The following VEPH1 variants were observed in gnomAD, a reference collection of about 807,000 sequenced individuals.
The protein encoded by VEPH1 is ventricular zone-expressed PH domain-containing protein homolog 1.
In VEPH1, 80 loss-of-function variants were observed where a neutral mutation model predicts 85.2. The ratio of observed to expected loss-of-function variants is 0.94; its 90% CI spans 0.78 to 1.13. The LOEUF is 1.13. Among genes scored for constraint, VEPH1 ranks in the 50% most tolerant of loss-of-function variants. The pLI, the probability that VEPH1 is intolerant of heterozygous loss-of-function variation, is 0.00. For missense variants in VEPH1, 955 were observed against 980.5 expected (o/e 0.97, Z 0.35); for synonymous variants, 297 against 348.0 (o/e 0.85, Z 1.63).
chr3:157,391,957 C>A (rs1046439540), intron 6 of VEPH1, among the ~76,000 whole-genome samples: 1 of 151,874 alleles, frequency 6.6e-6, no homozygotes, highest in Non-Finnish European at 1.5e-5. Context: ...AAATTTCAAC[C>A]AAGAATTTCA....
Position 157,282,998 on chromosome 3 carries a change from T to C in VEPH1, c.2128+3559A>G, listed in dbSNP as rs1716336998. 3.3e-5 allele frequency among the ~76,000 whole-genome samples: 5 copies of C among 152,362 alleles called. No homozygotes were observed. The South Asian group carries it at 1.0e-3, about 32-fold the overall frequency. On this transcript the variant is annotated intron_variant, in intron 12 of 13. Coordinates refer to ENST00000362010, the MANE Select transcript of VEPH1 (RefSeq NM_001167912.2). ...GAAAATGAATCAGCAGTTGGAAGAA[T>C]AGGAAATAGATTCTACTGTAATCAT...
intron 5 of VEPH1, chr3:157,415,001 T>G (rs1421082551): frequency 6.6e-6 from 1 of 152,238 alleles, no homozygotes. Flanking sequence ...AAAGTTGAAC[T>G]CATAATCCAC....
At chr3:157,433,315 AG>A (rs1470793156) in intron 4 of VEPH1, among the ~76,000 whole-genome samples, 2 of 152,156 alleles carry the variant, frequency 1.3e-5, no homozygotes, top group Non-Finnish European at 1.5e-5. Flanking sequence ...GCTTTTCAAA[AG>A]TATGTTTCCA....
chr3:157,281,584 C>T (rs1716132581), intron 12 of VEPH1, among the ~76,000 whole-genome samples: 1 of 151,990 alleles, frequency 6.6e-6, no homozygotes, highest in South Asian at 2.1e-4. Context: ...TGCCACCCGG[C>T]TGGAGTGCAG....
intron 6 of VEPH1, among the ~76,000 whole-genome samples, chr3:157,403,149 A>G (rs143291566): frequency 2.1e-3 from 318 of 152,302 alleles, no homozygotes; most frequent in African/African-American, 7.3e-3. Flanking sequence ...TGAGAGTACA[A>G]TTGTTACACG....
Position 157,414,084 on chromosome 3 carries a change from G to A in VEPH1, c.703C>T (p.Gln235Ter), listed in dbSNP as rs758480216. The A allele has an allele frequency of 6.2e-7, 1 of 1,607,000 alleles. No homozygotes were observed. Among genetic ancestry groups the A allele is most frequent in the East Asian group, 2.2e-5 (1 of 44,788 alleles). Reference sequence around the variant, plus strand: ...CCAATTAGGAAAGGAATACACTTCTGAACTACCTATAAAGAGAGAGGAGAG... The same window carrying A: ...CCAATTAGGAAAGGAATACACTTCTAAACTACCTATAAAGAGAGAGGAGAG... Reference protein sequence around the residue: ...AAKKKQLEVVQKCIPFLIGHL... With the variant: ...AAKKKQLEVV Residue 235 changes from glutamine to a stop codon, truncating the protein, a stop_gained, in exon 6 of 14, where the codon CAG becomes TAG. Transcript: ENST00000362010. LOFTEE classifies it high-confidence loss of function.
intron 12 of VEPH1, 127 bp downstream of exon 12, chr3:157,286,430 A>C: frequency 2.6e-6 from 2 of 773,900 alleles, no homozygotes; most frequent in South Asian, 1.6e-5. Flanking sequence ...AAGCAGGGAC[A>C]TGACTCTGTG....
chr3:157,355,413 T>C (rs770505553), intron 9 of VEPH1, among the ~76,000 whole-genome samples: 1 of 152,192 alleles, frequency 6.6e-6, no homozygotes, highest in Non-Finnish European at 1.5e-5. Flanking sequence ...AGAATGAACC[T>C]TTCAGGCATC....
chr3:157,385,902 G>A (rs1416254503), intron 6 of VEPH1, among the ~76,000 whole-genome samples: 1 of 152,034 alleles, frequency 6.6e-6, no homozygotes, highest in East Asian at 1.9e-4. Flanking sequence ...TTAGTCATTT[G>A]GAAAAATATG....
At chr3:157,488,507 C>CTTTTTTTTT (rs1197141390) in intron 2 of VEPH1, among the ~76,000 whole-genome samples, 1 of 131,824 alleles carries the variant, frequency 7.6e-6, no homozygotes, top group African/African-American at 2.9e-5. Flanking sequence ...TTCTTTCTTT[C>CTTTTTTTTT]TTTTTTTTTT....
chr3:157,460,358 G>T lies in VEPH1; in HGVS notation c.355-3C>A, dbSNP rs769104028. ...ATCACTGGGGGTCGGTTGTAATTCT[G>T]AGGAAATATAAGAAAGCCACAAATA... On this transcript the variant is annotated splice_polypyrimidine_tract_variant and splice_region_variant and intron_variant, in intron 3 of 13. Transcript: ENST00000362010. The T allele has an allele frequency of 1.2e-6, 2 of 1,601,688 alleles. No homozygotes were observed. Among genetic ancestry groups the T allele is most frequent in the South Asian group, 1.1e-5 (1 of 89,198 alleles).
chr3:157,429,624 T>C (rs1201749042), intron 4 of VEPH1, among the ~76,000 whole-genome samples: 1 of 152,202 alleles, frequency 6.6e-6, no homozygotes, highest in Non-Finnish European at 1.5e-5. Flanking sequence ...TTGTTGGAAA[T>C]ATTTAGAGTT....
chr3:157,463,083 T>A (rs1736029261), intron 3 of VEPH1, among the ~76,000 whole-genome samples: 1 of 152,216 alleles, frequency 6.6e-6, no homozygotes, highest in South Asian at 2.1e-4. Context: ...TAATATCATT[T>A]GAGCCCAATG....
intron 11 of VEPH1, among the ~76,000 whole-genome samples, chr3:157,305,870 A>T (rs1184224877): frequency 6.6e-6 from 1 of 152,176 alleles, no homozygotes; most frequent in Admixed American, 6.5e-5. Context: ...GTATTTGCTC[A>T]TGTTCTTCGT....
At chr3:157,384,900 T>G (rs1036885705) in intron 6 of VEPH1, among the ~76,000 whole-genome samples, 6 of 152,216 alleles carry the variant, frequency 3.9e-5, no homozygotes, top group African/African-American at 1.4e-4. Context: ...AGTCACCCCA[T>G]TGAGGGGTAG....
chr3:157,460,372 A>G lies in VEPH1; in HGVS notation c.355-17T>C. The G allele has an allele frequency of 6.3e-7, 1 of 1,597,662 alleles. No individual in the cohort carries two copies. The highest frequency in any genetic ancestry group is 8.5e-7 in the Non-Finnish European group (1 of 1,171,936). ...GTTGTAATTCTGAGGAAATATAAGA[A>G]AGCCACAAATAATAAGTGACTCATT... On this transcript the variant is annotated splice_polypyrimidine_tract_variant and intron_variant, in intron 3 of 13. Coordinates refer to ENST00000362010, the MANE Select transcript of VEPH1 (RefSeq NM_001167912.2).
intron 2 of VEPH1, among the ~76,000 whole-genome samples, chr3:157,471,098 T>A (rs182637193): frequency 6.6e-6 from 1 of 152,200 alleles, no homozygotes; most frequent in Non-Finnish European, 1.5e-5. Context: ...TAATGGGACC[T>A]CCAAAACATC....
chr3:157,381,109 C>A (rs372256725), intron 7 of VEPH1, 47 bp downstream of exon 7: 71 of 1,596,436 alleles, frequency 4.4e-5, no homozygotes, highest in South Asian at 1.1e-5. Flanking sequence ...ATTCTACCCC[C>A]ACAGGTGCAC....
intron 5 of VEPH1, among the ~76,000 whole-genome samples, chr3:157,417,207 A>T (rs535556797): frequency 6.6e-6 from 1 of 152,296 alleles, no homozygotes; most frequent in South Asian, 2.1e-4. Context: ...TTGGATTAGA[A>T]GGAATTTTAT....
Sources: gnomAD v4.1 joint callset for allele counts (sites outside exome capture counted in the v4.1 genomes callset) on GRCh38, gnomAD v4.1.1 for gene constraint, MANE v1.5 for transcripts, NCBI Gene and HGNC (gene_info 2026-07-23, HGNC 2026-07-21) for gene names.